Variants in DCC observed in about 807,000 individuals in gnomAD.
DCC encodes DCC netrin 1 receptor, also known as netrin receptor DCC.
DCC carries 58 observed loss-of-function variants against 172.5 expected under a neutral mutation model. The ratio of observed to expected loss-of-function variants is 0.34; its 90% CI spans 0.27 to 0.42. The LOEUF (loss-of-function observed/expected upper bound fraction) is 0.42, where lower values mean the gene tolerates loss of function less well. Among genes scored for constraint, DCC ranks in the 10% least tolerant of loss-of-function variants. The pLI, the probability that DCC is intolerant of heterozygous loss-of-function variation, is 1.00. For synonymous variants in DCC, 709 were observed against 644.5 expected, an observed-to-expected ratio of 1.10 and a Z score of -1.52; for missense variants, 1,740 against 1,791.0, an observed-to-expected ratio of 0.97 and a Z score of 0.51.
At chr18:52,860,966 A>G (rs2039133478) in intron 2 of DCC, among the ~76,000 whole-genome samples, 1 of 148,376 alleles carries the variant, frequency 6.7e-6, no homozygotes, top group South Asian at 2.1e-4. Flanking sequence ...GGATCTCACC[A>G]CTGCACTCCA....
chr18:52,919,198 C>T lies in DCC; in HGVS notation c.698-4509C>T, dbSNP rs115573579. 3.1e-3 allele frequency among the ~76,000 whole-genome samples: 479 copies of T among 152,250 alleles called. 2 individuals carry two copies. The highest frequency in any genetic ancestry group is 0.011 in the African/African-American group (440 of 41,544). On this transcript the variant is annotated intron_variant, in intron 3 of 28. Transcript: ENST00000442544. ...CAAAAGCTGTAAGGCCTTTTGAGAC[C>T]GTGGCTGCAGAGCTCATGCAGCGTG... is the stretch of plus-strand genomic sequence containing the variant.
At chr18:52,550,126 G>C (rs2032727812) in intron 1 of DCC, among the ~76,000 whole-genome samples, 1 of 151,908 alleles carries the variant, frequency 6.6e-6, no homozygotes, top group Non-Finnish European at 1.5e-5. Flanking sequence ...CTTTACCTCT[G>C]TGTTCTTTCT....
chr18:52,561,837 G>C (rs1325971685), intron 1 of DCC, among the ~76,000 whole-genome samples: 1 of 152,126 alleles, frequency 6.6e-6, no homozygotes, highest in Non-Finnish European at 1.5e-5. Context: ...CAACTTCACT[G>C]AAACTCCTCA....
chr18:53,178,698 C>G (rs1470602192), intron 8 of DCC, among the ~76,000 whole-genome samples: 1 of 151,998 alleles, frequency 6.6e-6, no homozygotes, highest in East Asian at 1.9e-4. Flanking sequence ...TGTAAAGTGT[C>G]GAGGAAAAAG....
chr18:52,496,847 A>G (rs1442346), intron 1 of DCC, among the ~76,000 whole-genome samples: 8,706 of 152,130 alleles, frequency 0.057, 308 homozygotes, highest in South Asian at 0.12. Context: ...AAATCTTTAA[A>G]AAATAGAAGA....
intron 1 of DCC, among the ~76,000 whole-genome samples, chr18:52,493,362 A>G (rs954349122): frequency 6.6e-6 from 1 of 152,050 alleles, no homozygotes; most frequent in Non-Finnish European, 1.5e-5. Context: ...AATAAAAAGC[A>G]CTAGTCCACA....
At chr18:52,438,252 T>C (rs898047617) in intron 1 of DCC, among the ~76,000 whole-genome samples, 2 of 152,192 alleles carry the variant, frequency 1.3e-5, no homozygotes, top group African/African-American at 2.4e-5. Context: ...TGGGCAATTG[T>C]AACTTTGAGA....
chr18:52,836,120 G>A (rs1309261457), intron 2 of DCC, among the ~76,000 whole-genome samples: 1 of 152,176 alleles, frequency 6.6e-6, no homozygotes, highest in Admixed American at 6.5e-5. Context: ...GATCTCATGA[G>A]AACTTGTGCA....
intron 8 of DCC, among the ~76,000 whole-genome samples, chr18:53,169,284 T>C (rs537046643): frequency 6.6e-6 from 1 of 152,322 alleles, no homozygotes; most frequent in South Asian, 2.1e-4. Context: ...ATCAAGTAAC[T>C]CAAAGTTCTT....
At chr18:52,777,978 G>T (rs752739654) in intron 2 of DCC, among the ~76,000 whole-genome samples, 4 of 151,486 alleles carry the variant, frequency 2.6e-5, no homozygotes, top group Non-Finnish European at 4.4e-5. Flanking sequence ...CTTGATAGAA[G>T]GAAAAACAAA....
rs1282355996 is a variant in DCC, at chr18:53,344,383, T to G, written c.2359+4476T>G. ...AAGGTGTTACTTAATTTTCAAATTT[T>G]GGGATTTTCCTAGTTATCTTGTTAT... On this transcript the variant is annotated intron_variant, in intron 15 of 28. Transcript: ENST00000442544. 5.9e-5 allele frequency among the ~76,000 whole-genome samples: 9 copies of G among 151,940 alleles called. No homozygotes were observed. In the East Asian group the frequency reaches 9.7e-4, roughly 16 times the overall value.
At chr18:52,693,941 A>T (rs1162967685) in intron 1 of DCC, among the ~76,000 whole-genome samples, 1 of 152,178 alleles carries the variant, frequency 6.6e-6, no homozygotes. Context: ...ATTCCAAATA[A>T]TATAAGTGTG....
At chr18:52,894,435 T>C (rs1259115970) in intron 2 of DCC, among the ~76,000 whole-genome samples, 1 of 150,582 alleles carries the variant, frequency 6.6e-6, no homozygotes, top group South Asian at 2.1e-4. Context: ...ACACACAATA[T>C]AAGTATGTAT....
At chr18:53,213,374 G>A (rs978224751) in intron 11 of DCC, among the ~76,000 whole-genome samples, 2 of 151,928 alleles carry the variant, frequency 1.3e-5, no homozygotes, top group Admixed American at 6.6e-5. Flanking sequence ...ACTCGGCCGG[G>A]CGTAGTGGCT....
intron 1 of DCC, among the ~76,000 whole-genome samples, chr18:52,417,017 T>C (rs1987059180): frequency 6.6e-6 from 1 of 152,196 alleles, no homozygotes; most frequent in Non-Finnish European, 1.5e-5. Context: ...GTACCGGTTG[T>C]TCCTCTCCAT....
Position 52,410,331 on chromosome 18 carries a change from C to T in DCC, c.91+69453C>T, listed in dbSNP as rs536733466. Reference sequence around the variant, plus strand: ...TCTATAGCACCAGCTACTTTGGAGGCGGAGGCAACAAGAGGCCTTGAGCCC... The same window carrying T: ...TCTATAGCACCAGCTACTTTGGAGGTGGAGGCAACAAGAGGCCTTGAGCCC... On this transcript the variant is annotated intron_variant, in intron 1 of 28. Coordinates refer to ENST00000442544, the MANE Select transcript of DCC (RefSeq NM_005215.4). 1.2e-4 allele frequency among the ~76,000 whole-genome samples: 19 copies of T among 152,202 alleles called. No individual in the cohort carries two copies. The South Asian group carries it at 1.9e-3, about 15-fold the overall frequency.
intron 1 of DCC, among the ~76,000 whole-genome samples, chr18:52,713,645 T>A (rs1050420946): frequency 1.3e-5 from 2 of 152,188 alleles, no homozygotes; most frequent in Admixed American, 1.3e-4. Context: ...ATTTTTATTG[T>A]GTTCAGCCCA....
chr18:53,280,187 C>G (rs559141654), intron 12 of DCC, among the ~76,000 whole-genome samples: 1 of 152,122 alleles, frequency 6.6e-6, no homozygotes, highest in Non-Finnish European at 1.5e-5. Context: ...ATGTAAAGCA[C>G]AAGGTCTAGC....
chr18:53,109,446 CT>C (rs2043298550), intron 7 of DCC, among the ~76,000 whole-genome samples: 1 of 151,424 alleles, frequency 6.6e-6, no homozygotes, highest in South Asian at 2.1e-4. Flanking sequence ...TTATAGTTTT[CT>C]GTGTGCAAGC....
Sources: gnomAD v4.1 joint callset for allele counts (sites outside exome capture counted in the v4.1 genomes callset) on GRCh38, gnomAD v4.1.1 for gene constraint, MANE v1.5 for transcripts, NCBI Gene and HGNC (gene_info 2026-07-23, HGNC 2026-07-21) for gene names.